The following SLC36A1 variants were observed in gnomAD, a reference collection of about 807,000 sequenced individuals.
SLC36A1 encodes the protein proton-coupled amino acid transporter 1.
SLC36A1 carries 30 observed loss-of-function variants against 47.5 expected under a neutral mutation model. That is an observed-to-expected ratio of 0.63 (90% CI 0.47 to 0.86). The LOEUF (loss-of-function observed/expected upper bound fraction) is 0.86. Ranked by LOEUF, SLC36A1 falls within the 40% of genes least tolerant of loss-of-function variation. SLC36A1 has a pLI of 0.00. For synonymous variants in SLC36A1, 255 were observed against 249.7 expected, an observed-to-expected ratio of 1.02 and a Z score of -0.20; for missense variants, 517 against 606.0, an observed-to-expected ratio of 0.85 and a Z score of 1.54.
At chr5:151,537,784 GA>G in the SLC36A1 span, 2 of 1,606,066 alleles carry the variant, frequency 1.2e-6, no homozygotes, top group Non-Finnish European at 1.7e-6. Context: ...TGCAGCTCAG[GA>G]AACCCACCTG....
chr5:151,521,146 T>G, the SLC36A1 span: 1 of 856,062 alleles, frequency 1.2e-6, no homozygotes, highest in Non-Finnish European at 1.8e-6. Flanking sequence ...CTTATGGTGA[T>G]TGGTGGCCTT....
At chr5:151,396,628 TTTAAATATGAATGGGA>T in the SLC36A1 span, among the ~76,000 whole-genome samples, 73,652 of 149,954 alleles carry the variant, frequency 0.49, 20,051 homozygotes, top group African/African-American at 0.75. Flanking sequence ...AAAAATTTTC[TTTAAATATGAATGGGA>T]TTAAATATGA....
chr5:151,542,489 G>A, the SLC36A1 span: 1 of 1,614,170 alleles, frequency 6.2e-7, no homozygotes, highest in Non-Finnish European at 8.5e-7. Context: ...GTCTGTCCGT[G>A]GTCATAGGCC....
chr5:151,446,071 T>C (rs1752900235), upstream of SLC36A1, among the ~76,000 whole-genome samples: 1 of 152,196 alleles, frequency 6.6e-6, no homozygotes, highest in Non-Finnish European at 1.5e-5. Flanking sequence ...ACTATTTAAT[T>C]GGTCTCTTTC....
chr5:151,553,413 G>C, the SLC36A1 span: 1 of 1,606,212 alleles, frequency 6.2e-7, no homozygotes, highest in Non-Finnish European at 8.5e-7. Context: ...CACCAAAACT[G>C]AGGTTTGGGG....
the SLC36A1 span, among the ~76,000 whole-genome samples, chr5:151,384,017 A>G: frequency 1.5e-5 from 2 of 134,270 alleles, no homozygotes; most frequent in South Asian, 2.4e-4. Flanking sequence ...TAATAAAATC[A>G]TAGTGTTTTG....
chr5:151,458,364 C>CACACACAT (rs57654042), intron 1 of SLC36A1, among the ~76,000 whole-genome samples: 4 of 139,456 alleles, frequency 2.9e-5, no homozygotes, highest in African/African-American at 1.1e-4. Context: ...TATACACACA[C>CACACACAT]GATTGAACTA....
rs779600197 is a variant in SLC36A1, at chr5:151,488,533, C to T, written c.*279C>T. On this transcript the variant is annotated 3_prime_UTR_variant, in exon 11 of 11. Transcript: ENST00000243389. Reference sequence around the variant, plus strand: ...CCAGCTCCCCCTCATCATGCCTCCTCCTTCCTACCTGCCTCCCCTCTGCTG... The same window carrying T: ...CCAGCTCCCCCTCATCATGCCTCCTTCTTCCTACCTGCCTCCCCTCTGCTG... 2 of 462,024 alleles carry T rather than the reference C, an allele frequency of 4.3e-6. No individual in the cohort carries two copies. The highest frequency in any genetic ancestry group is 7.9e-6 in the Non-Finnish European group (2 of 254,514). 28.6% of individuals were successfully genotyped at this position (462,024 alleles called of 1,614,324 possible).
At chr5:151,405,701 A>T in the SLC36A1 span, among the ~76,000 whole-genome samples, 2 of 151,976 alleles carry the variant, frequency 1.3e-5, no homozygotes, top group African/African-American at 4.8e-5. Context: ...GTGTTTCTTT[A>T]TCTTTTTGAA....
At chr5:151,388,441 T>G in the SLC36A1 span, among the ~76,000 whole-genome samples, 2 of 139,724 alleles carry the variant, frequency 1.4e-5, no homozygotes, top group Non-Finnish European at 3.0e-5. Context: ...GTGGAGCTTG[T>G]GGTAAGCCTA....
chr5:151,532,936 C>G, the SLC36A1 span, among the ~76,000 whole-genome samples: 1 of 152,220 alleles, frequency 6.6e-6, no homozygotes, highest in Non-Finnish European at 1.5e-5. Context: ...ACATGCCATG[C>G]AACTTCCCCA....
intron 8 of SLC36A1, 76 bp from the exon 9 acceptor site, chr5:151,476,514 T>C: frequency 8.2e-7 from 1 of 1,224,422 alleles, no homozygotes; most frequent in Non-Finnish European, 1.1e-6. Flanking sequence ...ACTTTTTTTC[T>C]GAGGTTTTTT....
intron 2 of SLC36A1, among the ~76,000 whole-genome samples, chr5:151,460,990 T>C (rs1020263060): frequency 1.3e-5 from 2 of 151,504 alleles, no homozygotes; most frequent in Non-Finnish European, 2.9e-5. Context: ...CATGGGTTAC[T>C]TCCTTTTATT....
In SLC36A1 at chr5:151,490,974, T is replaced by C. The variant is rs1402601893; in HGVS notation, c.*2720T>C. On this transcript the variant is annotated 3_prime_UTR_variant, in exon 11 of 11. Transcript: ENST00000243389. ...ATCACAGAGCAACGGAGCAAAGGCT[T>C]TCGGGAGTGTGAGGCTGCATCTGCT... 1.3e-5 allele frequency: 2 copies of C among 152,312 alleles called. No individual in the cohort carries two copies. The highest frequency in any genetic ancestry group is 2.9e-5 in the Non-Finnish European group (2 of 68,168). 9.4% of individuals were successfully genotyped at this position (152,312 alleles called of 1,614,324 possible).
chr5:151,354,677 AAGAC>A, the SLC36A1 span, among the ~76,000 whole-genome samples: 4 of 152,144 alleles, frequency 2.6e-5, no homozygotes, highest in African/African-American at 9.7e-5. Flanking sequence ...GGGGACAGAA[AAGAC>A]AGACAGTTTC....
the SLC36A1 span, among the ~76,000 whole-genome samples, chr5:151,395,169 A>C: frequency 2.6e-5 from 4 of 152,174 alleles, no homozygotes; most frequent in East Asian, 7.7e-4. Flanking sequence ...TGTGCTAGCA[A>C]TGAGTGAGGC....
chr5:151,527,403 T>G, the SLC36A1 span: 1 of 1,563,434 alleles, frequency 6.4e-7, no homozygotes, highest in Non-Finnish European at 8.7e-7. Context: ...CAGTGGAGGT[T>G]AGCAATGAGG....
chr5:151,472,586 G>GCTC (rs943689967), intron 7 of SLC36A1, among the ~76,000 whole-genome samples: 2 of 151,846 alleles, frequency 1.3e-5, no homozygotes, highest in African/African-American at 4.8e-5. Flanking sequence ...CATTCTTTTT[G>GCTC]CTCCTCCTCC....
At chr5:151,405,941 T>G in the SLC36A1 span, among the ~76,000 whole-genome samples, 1 of 152,184 alleles carries the variant, frequency 6.6e-6, no homozygotes, top group Admixed American at 6.5e-5. Context: ...TGCAACCCAG[T>G]AGATAGTGCT....
Sources: allele counts gnomAD v4.1 joint callset (sites outside exome capture counted in the v4.1 genomes callset), GRCh38; gene constraint gnomAD v4.1.1; transcripts MANE v1.5; gene names NCBI Gene and HGNC (gene_info 2026-07-23, HGNC 2026-07-21).